The following RFTN1 variants were observed in gnomAD, a reference collection of about 807,000 sequenced individuals.
RFTN1 encodes the protein raftlin, lipid raft linker 1.
RFTN1 carries 26 observed loss-of-function variants against 46.5 expected under a neutral mutation model. The ratio of observed to expected loss-of-function variants is 0.56; its 90% CI spans 0.41 to 0.78. The LOEUF (loss-of-function observed/expected upper bound fraction) is 0.78. Among genes scored for constraint, RFTN1 ranks in the 30% least tolerant of loss-of-function variants. The probability of loss-of-function intolerance (pLI) is 0.00; values close to 1 mark genes in which losing one functional copy is unlikely to be tolerated. For synonymous variants in RFTN1, 261 were observed against 284.2 expected (o/e 0.92, Z 0.82); for missense variants, 693 against 718.7 (o/e 0.96, Z 0.41).
intron 1 of RFTN1, among the ~76,000 whole-genome samples, chr3:16,503,906 C>A (rs1007246966): frequency 6.6e-6 from 1 of 152,230 alleles, no homozygotes; most frequent in Non-Finnish European, 1.5e-5. Flanking sequence ...CAAGTGCTTA[C>A]ATTTTTACCT....
rs904100598 is a variant in RFTN1 at position 16,450,680 on chromosome 3, C to T, written c.146-16643G>A. Among the ~76,000 whole-genome samples, 3 of 152,210 alleles carry T rather than the reference C, an allele frequency of 2.0e-5. No homozygotes were observed. Among genetic ancestry groups the T allele is most frequent in the African/African-American group, 2.4e-5 (1 of 41,452 alleles). The stretch of plus-strand genomic sequence containing the variant: ...ATTAAAACAATAAGTTTAACAAATG[C>T]TATAAAACTAATCTAGTGTCTGTTC... On this transcript the variant is annotated intron_variant, in intron 2 of 9. Coordinates refer to ENST00000334133, the MANE Select transcript of RFTN1 (RefSeq NM_015150.2). This position sits in a 1 kb window ranked among gnomAD's most constrained non-coding sequence, Gnocchi z 4.6.
In RFTN1 at chr3:16,481,267, T is replaced by C. The variant is rs553582983; in HGVS notation, c.145+12458A>G. On this transcript the variant is annotated intron_variant, in intron 2 of 9. Transcript: ENST00000334133. The surrounding 1 kb of genome is among the most constrained non-coding windows in gnomAD (Gnocchi z 5.1). ...CAAAAGCAACAATACCAAAGATGAA[T>C]ATAACAGCTTTGCTCAGAAAAACTT... Among the ~76,000 whole-genome samples, 1 of 152,276 alleles carries C rather than the reference T, an allele frequency of 6.6e-6. No homozygotes were observed. Among genetic ancestry groups the C allele is most frequent in the African/African-American group, 2.4e-5 (1 of 41,560 alleles).
Position 16,421,081 on chromosome 3 carries a change from C to T in RFTN1, c.333-11598G>A, listed in dbSNP as rs906124530. On this transcript the variant is annotated intron_variant, in intron 3 of 9. Transcript: ENST00000334133. The surrounding 1 kb of genome is among the most constrained non-coding windows in gnomAD (Gnocchi z 4.6). ...GTGCCAGAAAAAAATTCCTGAGTAC[C>T]ACTGTACTAACATCTTACATATGTT... 6.6e-6 allele frequency among the ~76,000 whole-genome samples: 1 copy of T among 152,162 alleles called. No individual in the cohort carries two copies. The highest frequency in any genetic ancestry group is 1.9e-4 in the East Asian group (1 of 5,198).
At position 16,442,744 on chromosome 3, in the gene RFTN1, C is replaced by T. The variant is rs2075652169; in HGVS notation, c.146-8707G>A. Among the ~76,000 whole-genome samples, 1 of 152,168 alleles carries T rather than the reference C, an allele frequency of 6.6e-6. No homozygotes were observed. The highest frequency in any genetic ancestry group is 1.5e-5 in the Non-Finnish European group (1 of 68,024). On this transcript the variant is annotated intron_variant, in intron 2 of 9. Coordinates refer to ENST00000334133, the MANE Select transcript of RFTN1 (RefSeq NM_015150.2). The surrounding 1 kb of genome is among the most constrained non-coding windows in gnomAD (Gnocchi z 4.1). ...ACAACTCCCCATCTCCCTGCATCTC[C>T]CTGACCCCCCAAACTACAGTTCTAC...
In RFTN1 at chr3:16,493,497, T is replaced by A. The variant is rs536285812; in HGVS notation, c.145+228A>T. Among the ~76,000 whole-genome samples, 6 of 152,314 alleles carry A rather than the reference T, an allele frequency of 3.9e-5. No homozygotes were observed. The South Asian group carries it at 1.2e-3, about 32-fold the overall frequency. On this transcript the variant is annotated intron_variant, in intron 2 of 9. Coordinates refer to ENST00000334133, the MANE Select transcript of RFTN1 (RefSeq NM_015150.2). ...ATCCACCCGCCTCGGCCTCCCAAAGTGCTGGGATTACAGGCGTGAACCACT... is the reference window on the plus strand; with the variant it reads ...ATCCACCCGCCTCGGCCTCCCAAAGAGCTGGGATTACAGGCGTGAACCACT...
chr3:16,358,502 G>A (rs561596844), intron 6 of RFTN1, among the ~76,000 whole-genome samples: 11 of 151,426 alleles, frequency 7.3e-5, no homozygotes, highest in East Asian at 2.0e-4. Context: ...TGTCAGATGC[G>A]TTGATTTTTG....
intron 2 of RFTN1, among the ~76,000 whole-genome samples, chr3:16,445,384 C>T (rs1209180940): frequency 3.9e-5 from 6 of 151,942 alleles, no homozygotes; most frequent in South Asian, 2.1e-4. Context: ...CCTCCCTCAT[C>T]CATACAATTC....
chr3:16,485,346 G>A (rs2076431659), intron 2 of RFTN1, among the ~76,000 whole-genome samples: 1 of 151,616 alleles, frequency 6.6e-6, no homozygotes, highest in South Asian at 2.1e-4. Flanking sequence ...CAGACTCCAT[G>A]CATAAAACAG....
Position 16,402,278 on chromosome 3 carries a change from G to A in RFTN1, c.441+7097C>T, listed in dbSNP as rs987762661. Among the ~76,000 whole-genome samples, 1 of 152,152 alleles carries A rather than the reference G, an allele frequency of 6.6e-6. No individual in the cohort carries two copies. On this transcript the variant is annotated intron_variant, in intron 4 of 9. Transcript: ENST00000334133. The surrounding 1 kb of genome is among the most constrained non-coding windows in gnomAD (Gnocchi z 4.5). Reference sequence around the variant, plus strand: ...ATGTATCCATTAACTCGACGCTTATGTATTAAGTCCTGAAGACACAACAGT... The same window carrying A: ...ATGTATCCATTAACTCGACGCTTATATATTAAGTCCTGAAGACACAACAGT...
rs2076776821 is a variant in RFTN1 at position 16,504,912 on chromosome 3, T to C, written c.-9+8530A>G. 6.6e-6 allele frequency among the ~76,000 whole-genome samples: 1 copy of C among 152,148 alleles called. No homozygotes were observed. Among genetic ancestry groups the C allele is most frequent in the Non-Finnish European group, 1.5e-5 (1 of 68,022 alleles). ...CTTGCTCTTCCTCCTGCATTTCTCG[T>C]CTCTGGGTGGTACCACTGCCCTCCC... On this transcript the variant is annotated intron_variant, in intron 1 of 9. Coordinates refer to ENST00000334133, the MANE Select transcript of RFTN1 (RefSeq NM_015150.2). This position sits in a 1 kb window ranked among gnomAD's most constrained non-coding sequence, Gnocchi z 4.4.
chr3:16,459,079 T>C lies in RFTN1; in HGVS notation c.146-25042A>G, dbSNP rs2075963046. 6.6e-6 allele frequency among the ~76,000 whole-genome samples: 1 copy of C among 152,084 alleles called. No individual in the cohort carries two copies. Among genetic ancestry groups the C allele is most frequent in the African/African-American group, 2.4e-5 (1 of 41,404 alleles). ...CCTCCCGAGTAGCTGGGACCACAGGTGTGCACCATGCCCAGCTAATTTTTT... is the reference window on the plus strand; with the variant it reads ...CCTCCCGAGTAGCTGGGACCACAGGCGTGCACCATGCCCAGCTAATTTTTT... On this transcript the variant is annotated intron_variant, in intron 2 of 9. Coordinates refer to ENST00000334133, the MANE Select transcript of RFTN1 (RefSeq NM_015150.2). The surrounding 1 kb of genome is among the most constrained non-coding windows in gnomAD (Gnocchi z 4.2).
At position 16,321,495 on chromosome 3, in the gene RFTN1, G is replaced by T. The variant is rs1205262709; in HGVS notation, c.1332+1881C>A. Reference sequence around the variant, plus strand: ...GACTCTCGGTCACCAGGGGACACAGGCCTGTGGGAGTAGGACGCTGACCCT... The same window carrying T: ...GACTCTCGGTCACCAGGGGACACAGTCCTGTGGGAGTAGGACGCTGACCCT... On this transcript the variant is annotated intron_variant, in intron 9 of 9. Transcript: ENST00000334133. The surrounding 1 kb of genome is among the most constrained non-coding windows in gnomAD (Gnocchi z 4.8). 2.0e-5 allele frequency among the ~76,000 whole-genome samples: 3 copies of T among 152,170 alleles called. No individual in the cohort carries two copies. The highest frequency in any genetic ancestry group is 1.3e-4 in the Admixed American group (2 of 15,284).
chr3:16,359,052 AG>A (rs370720036), intron 6 of RFTN1, among the ~76,000 whole-genome samples: 1,957 of 133,884 alleles, frequency 0.015, 19 homozygotes, highest in Non-Finnish European at 0.027. Flanking sequence ...AAAAAAAAAA[AG>A]AAATACTGAA....
intron 4 of RFTN1, among the ~76,000 whole-genome samples, chr3:16,406,701 A>G (rs1442879643): frequency 6.6e-6 from 1 of 152,238 alleles, no homozygotes; most frequent in Non-Finnish European, 1.5e-5. Context: ...GGAAACTGAG[A>G]CTTTGAGCAA....
At chr3:16,368,134 A>C (rs749256002) in intron 6 of RFTN1, among the ~76,000 whole-genome samples, 8 of 151,982 alleles carry the variant, frequency 5.3e-5, no homozygotes, top group Admixed American at 1.3e-4. Context: ...TGCAGGAAAC[A>C]GGGAGCCAAA....
rs1359923659 is a variant in RFTN1, at chr3:16,327,340, ATG to A, written c.1147-466_1147-465del. Reference sequence around the variant, plus strand: ...CAGCAACACACACATGCACATCCACATGTGTGTGTACACGCAGAAGCTGCTTT... The same window carrying A: ...CAGCAACACACACATGCACATCCACATGTGTGTACACGCAGAAGCTGCTTT... On this transcript the variant is annotated intron_variant, in intron 7 of 9. Coordinates refer to ENST00000334133, the MANE Select transcript of RFTN1 (RefSeq NM_015150.2). This position sits in a 1 kb window ranked among gnomAD's most constrained non-coding sequence, Gnocchi z 4.2. 6.6e-6 allele frequency among the ~76,000 whole-genome samples: 1 copy of A among 152,122 alleles called. No individual in the cohort carries two copies. The highest frequency in any genetic ancestry group is 6.5e-5 in the Admixed American group (1 of 15,274).
In RFTN1 at chr3:16,475,075, C is replaced by T. The variant is rs1425607780; in HGVS notation, c.145+18650G>A. 1.3e-5 allele frequency among the ~76,000 whole-genome samples: 2 copies of T among 152,152 alleles called. No homozygotes were observed. Among genetic ancestry groups the T allele is most frequent in the African/African-American group, 2.4e-5 (1 of 41,422 alleles). On this transcript the variant is annotated intron_variant, in intron 2 of 9. Coordinates refer to ENST00000334133, the MANE Select transcript of RFTN1 (RefSeq NM_015150.2). This position sits in a 1 kb window ranked among gnomAD's most constrained non-coding sequence, Gnocchi z 4.2. ...GGTAATGAGTGAGTTCACGTGAGAA[C>T]TGGTTGTTTAAAAGAGCATGGCACC...
rs1308047301 is a variant in RFTN1 at position 16,513,073 on chromosome 3, G to C, written c.-9+369C>G. 6 of 152,498 alleles carry C rather than the reference G, an allele frequency of 3.9e-5. No individual in the cohort carries two copies. Among genetic ancestry groups the C allele is most frequent in the Non-Finnish European group, 2.9e-5 (2 of 68,342 alleles). The allele number at this position is 152,498 out of a possible 1,614,324, so 9.4% of individuals were successfully genotyped here. ...GCGGCAGTGTGTCCTGGACCCACCT[G>C]TAGCCTCCAAGCTCCCCCACCTCTG... On this transcript the variant is annotated intron_variant, in intron 1 of 9. Transcript: ENST00000334133. The surrounding 1 kb of genome is among the most constrained non-coding windows in gnomAD (Gnocchi z 5.4).
At chr3:16,444,840 T>C (rs1431473441) in intron 2 of RFTN1, among the ~76,000 whole-genome samples, 1 of 152,184 alleles carries the variant, frequency 6.6e-6, no homozygotes, top group Non-Finnish European at 1.5e-5. Context: ...ACAACCACCA[T>C]CACTCGCTGT....
Sources: gnomAD v4.1 joint callset for allele counts (sites outside exome capture counted in the v4.1 genomes callset) on GRCh38, gnomAD v4.1.1 for gene constraint, Gnocchi (gnomAD v3.1) non-coding constraint, MANE v1.5 for transcripts, NCBI Gene and HGNC (gene_info 2026-07-23, HGNC 2026-07-21) for gene names.